MDFIC2: variants seen among roughly 807,000 people sequenced by gnomAD.
The protein encoded by MDFIC2 is MyoD family inhibitor domain containing 2, also known as myoD family inhibitor domain-containing protein 2.
At chr3:70,309,670 T>G (rs1296496099) in intron 2 of MDFIC2, among the ~76,000 whole-genome samples, 2 of 152,180 alleles carry the variant, frequency 1.3e-5, no homozygotes, top group Non-Finnish European at 2.9e-5. Context: ...CCATATACTT[T>G]TTCTTAACAT....
intron 2 of MDFIC2, among the ~76,000 whole-genome samples, chr3:70,281,576 C>T (rs887931794): frequency 1.3e-5 from 2 of 151,992 alleles, no homozygotes; most frequent in Non-Finnish European, 2.9e-5. Flanking sequence ...TCAAAACAAA[C>T]AAACAAATTG....
intron 2 of MDFIC2, among the ~76,000 whole-genome samples, chr3:70,288,610 TC>T (rs1176689925): frequency 6.6e-6 from 1 of 151,020 alleles, no homozygotes; most frequent in Non-Finnish European, 1.5e-5. Context: ...TTCCTGGGTA[TC>T]CTTGTTGACT....
intron 2 of MDFIC2, among the ~76,000 whole-genome samples, chr3:70,216,339 T>A (rs1189890626): frequency 6.6e-6 from 1 of 151,004 alleles, no homozygotes; most frequent in Non-Finnish European, 1.5e-5. Context: ...ATATATAAAC[T>A]TGTAGTGCTT....
Position 70,197,173 on chromosome 3 carries a change from G to A in MDFIC2, c.323C>T (p.Ser108Phe). The change falls in exon 4 of 4, where the codon TCC becomes TTC. Residue 108 changes from serine to phenylalanine, a missense_variant. By Grantham distance (155) the Ser-to-Phe change is radical. Transcript: ENST00000567252. ...HHRDTDEECASLILACLFCQF... is the reference protein window; with the variant it reads ...HHRDTDEECAFLILACLFCQF... ...GCAAAACAGACAGGCGAGGATAAGG[G>A]AGGCACACTCCTCTGTTTAAAGAAG... is the stretch of plus-strand genomic sequence containing the variant. The A allele has an allele frequency of 2.5e-6, 1 of 398,574 alleles. No individual in the cohort carries two copies. The highest frequency in any genetic ancestry group is 3.6e-5 in the East Asian group (1 of 28,060). 24.7% of individuals were successfully genotyped at this position (398,574 alleles called of 1,614,324 possible).
intron 2 of MDFIC2, among the ~76,000 whole-genome samples, chr3:70,267,022 A>T (rs7627698): frequency 0.4 from 60,472 of 152,022 alleles, 13,296 homozygotes; most frequent in Non-Finnish European, 0.51. Flanking sequence ...TTTCTTAGCT[A>T]AACTCTCATG....
chr3:70,200,490 G>A (rs1387063338), intron 3 of MDFIC2, among the ~76,000 whole-genome samples: 2 of 152,152 alleles, frequency 1.3e-5, no homozygotes, highest in African/African-American at 4.8e-5. Context: ...GTTTTTGCCT[G>A]CATTGCACAC....
Position 70,275,385 on chromosome 3 carries a change from T to C in MDFIC2, c.88+36501A>G, listed in dbSNP as rs148641756. Among the ~76,000 whole-genome samples the C allele has an allele frequency of 7.0e-4, 107 of 152,186 alleles. 1 individual carries two copies. Among genetic ancestry groups the C allele is most frequent in the African/African-American group, 2.5e-3 (105 of 41,534 alleles). On this transcript the variant is annotated intron_variant, in intron 2 of 3. Transcript: ENST00000567252. ...AAAAAATTAGTTGGGTGTGGTGGCATGTGCCTGTAGTCCCAGCTACTAGGG... is the reference window on the plus strand; with the variant it reads ...AAAAAATTAGTTGGGTGTGGTGGCACGTGCCTGTAGTCCCAGCTACTAGGG...
intron 2 of MDFIC2, among the ~76,000 whole-genome samples, chr3:70,226,213 A>G (rs1318718416): frequency 6.6e-6 from 1 of 152,190 alleles, no homozygotes; most frequent in Non-Finnish European, 1.5e-5. Flanking sequence ...AGTGCCAGGC[A>G]ATATACTAGC....
At chr3:70,225,458 T>C (rs1328489887) in intron 2 of MDFIC2, among the ~76,000 whole-genome samples, 2 of 152,218 alleles carry the variant, frequency 1.3e-5, no homozygotes, top group African/African-American at 4.8e-5. Context: ...TCAAAAACAT[T>C]GTAAATCAGA....
intron 2 of MDFIC2, among the ~76,000 whole-genome samples, chr3:70,303,538 C>G (rs535871425): frequency 1.3e-5 from 2 of 152,284 alleles, no homozygotes; most frequent in South Asian, 4.1e-4. Flanking sequence ...AGATTGTGAG[C>G]TACTCTTGCA....
At chr3:70,235,160 A>G (rs770397445) in intron 2 of MDFIC2, among the ~76,000 whole-genome samples, 1 of 152,126 alleles carries the variant, frequency 6.6e-6, no homozygotes, top group Non-Finnish European at 1.5e-5. Flanking sequence ...GAACCTTTGC[A>G]TGAGGGGTTT....
At chr3:70,233,825 T>A (rs1183277905) in intron 2 of MDFIC2, among the ~76,000 whole-genome samples, 10 of 152,252 alleles carry the variant, frequency 6.6e-5, no homozygotes, top group African/African-American at 2.4e-4. Flanking sequence ...CTAAACAATT[T>A]TTTTTAGCTG....
At chr3:70,261,871 T>A (rs75235757) in intron 2 of MDFIC2, among the ~76,000 whole-genome samples, 20,197 of 152,102 alleles carry the variant, frequency 0.13, 1,469 homozygotes, top group East Asian at 0.23. Flanking sequence ...ACAAGGGGTT[T>A]GTTATCCAAG....
intron 2 of MDFIC2, among the ~76,000 whole-genome samples, chr3:70,285,908 TG>T (rs1387623594): frequency 6.6e-6 from 1 of 151,646 alleles, no homozygotes; most frequent in African/African-American, 2.4e-5. Flanking sequence ...TGGGGTTGTT[TG>T]TTTTTTTCTT....
chr3:70,280,598 G>A (rs1298304946), intron 2 of MDFIC2, among the ~76,000 whole-genome samples: 1 of 152,122 alleles, frequency 6.6e-6, no homozygotes, highest in Admixed American at 6.6e-5. Flanking sequence ...CTCAGAAGCA[G>A]CCTCAGAAGC....
chr3:70,201,049 C>CT lies in MDFIC2; in HGVS notation c.311-3865dup, dbSNP rs201795649. On this transcript the variant is annotated intron_variant, in intron 3 of 3. Transcript: ENST00000567252. ...CTTTTTTTTTTTACTTATTTAAATT[C>CT]TTTTTTTAACATTTATTAAGTTCAG... Among the ~76,000 whole-genome samples the CT allele has an allele frequency of 9.3e-3, 1,397 of 150,772 alleles. 17 individuals are homozygous for CT. Among genetic ancestry groups the CT allele is most frequent in the African/African-American group, 0.032 (1,309 of 41,044 alleles).
chr3:70,208,844 T>A (rs1247655672), intron 2 of MDFIC2, among the ~76,000 whole-genome samples: 1 of 152,162 alleles, frequency 6.6e-6, no homozygotes, highest in East Asian at 1.9e-4. Context: ...CAGTGTTTAA[T>A]TTCTATTCTC....
intron 3 of MDFIC2, chr3:70,205,254 G>T (rs1377762679): frequency 6.6e-6 from 1 of 152,064 alleles, no homozygotes; most frequent in African/African-American, 2.4e-5. Flanking sequence ...ACAATCAGCT[G>T]GTACTGTGTC....
rs1330041258 is a variant in MDFIC2, at chr3:70,196,795, G to C, written c.*131C>G. The C allele has an allele frequency of 5.0e-6, 2 of 396,790 alleles. No homozygotes were observed. The highest frequency in any genetic ancestry group is 8.9e-6 in the Non-Finnish European group (2 of 225,502). 24.6% of individuals were successfully genotyped at this position (396,790 alleles called of 1,614,324 possible). On this transcript the variant is annotated 3_prime_UTR_variant, in exon 4 of 4. Coordinates refer to ENST00000567252, the MANE Select transcript of MDFIC2 (RefSeq NM_001364677.1). ...ATACTAGCTTTCCTAGACAGGTGCA[G>C]AATAAAATGGCCTATAGCATCCAAG... is the stretch of plus-strand genomic sequence containing the variant.
Sources: gnomAD v4.1 joint callset for allele counts (sites outside exome capture counted in the v4.1 genomes callset) on GRCh38, gnomAD v4.1.1 for gene constraint, MANE v1.5 for transcripts, NCBI Gene and HGNC (gene_info 2026-07-23, HGNC 2026-07-21) for gene names.